RCAN1: variants seen among roughly 807,000 people sequenced by gnomAD.
The protein encoded by RCAN1 is calcipressin-1.
A neutral mutation model predicts 22.9 loss-of-function variants in RCAN1; 11 were observed. The observed-to-expected ratio is 0.48, with a 90% confidence interval of 0.30 to 0.79. The LOEUF is 0.79. Among genes scored for constraint, RCAN1 ranks in the 30% least tolerant of loss-of-function variants. RCAN1 has a pLI of 0.06. For missense variants in RCAN1, 291 were observed against 337.8 expected, an observed-to-expected ratio of 0.86 and a Z score of 1.09; for synonymous variants, 136 against 142.3, an observed-to-expected ratio of 0.96 and a Z score of 0.32.
intron 1 of RCAN1, chr21:34,526,875 TCCCTGGGG>T: frequency 6.9e-7 from 1 of 1,449,728 alleles, no homozygotes; most frequent in Non-Finnish European, 9.0e-7. Context: ...CAGCCCCCAC[TCCCTGGGG>T]AAAAAAAAAG....
intron 1 of RCAN1, among the ~76,000 whole-genome samples, chr21:34,592,362 T>C (rs1485139228): frequency 6.6e-6 from 1 of 152,198 alleles, no homozygotes; most frequent in Non-Finnish European, 1.5e-5. Flanking sequence ...CACACCCTTT[T>C]GGCACTGTCT....
intron 1 of RCAN1, among the ~76,000 whole-genome samples, chr21:34,597,265 C>T (rs1225332329): frequency 6.6e-6 from 1 of 152,160 alleles, no homozygotes; most frequent in Non-Finnish European, 1.5e-5. Context: ...AATAACATGA[C>T]AATTTAAATG....
At chr21:34,591,795 G>A (rs897949046) in intron 1 of RCAN1, among the ~76,000 whole-genome samples, 19 of 152,100 alleles carry the variant, frequency 1.2e-4, no homozygotes, top group South Asian at 2.1e-4. Context: ...CCATCATCTC[G>A]ATGCACCAAT....
At chr21:34,564,722 T>G (rs1349396871) in intron 1 of RCAN1, among the ~76,000 whole-genome samples, 1 of 152,196 alleles carries the variant, frequency 6.6e-6, no homozygotes, top group Non-Finnish European at 1.5e-5. Context: ...GCCTCATAAC[T>G]ATAAATATAC....
chr21:34,530,606 T>C (rs995551422), intron 1 of RCAN1, among the ~76,000 whole-genome samples: 2 of 143,438 alleles, frequency 1.4e-5, no homozygotes, highest in East Asian at 4.1e-4. Flanking sequence ...GCTTCTAAGA[T>C]AGTGAAATAG....
chr21:34,570,282 CAAGT>C (rs1987189134), intron 1 of RCAN1, among the ~76,000 whole-genome samples: 1 of 151,964 alleles, frequency 6.6e-6, no homozygotes, highest in South Asian at 2.1e-4. Flanking sequence ...GAGAACTAGA[CAAGT>C]AAGGGAATAA....
chr21:34,589,316 C>T (rs1379817129), intron 1 of RCAN1, among the ~76,000 whole-genome samples: 1 of 152,196 alleles, frequency 6.6e-6, no homozygotes, highest in Non-Finnish European at 1.5e-5. Flanking sequence ...CATTAGGCTT[C>T]AGTTGTGAAA....
At chr21:34,541,200 C>T (rs764331118) in intron 1 of RCAN1, among the ~76,000 whole-genome samples, 9 of 152,060 alleles carry the variant, frequency 5.9e-5, no homozygotes, top group Non-Finnish European at 1.2e-4. Context: ...AGAAGTGGAG[C>T]GTAGCAATCA....
chr21:34,548,151 C>T (rs1254262338), intron 1 of RCAN1, among the ~76,000 whole-genome samples: 3 of 152,158 alleles, frequency 2.0e-5, no homozygotes, highest in Non-Finnish European at 4.4e-5. Context: ...GCAGCCCGAG[C>T]AGATGAAGAC....
intron 1 of RCAN1, among the ~76,000 whole-genome samples, chr21:34,604,950 C>A (rs1318032840): frequency 6.6e-6 from 1 of 152,216 alleles, no homozygotes; most frequent in East Asian, 1.9e-4. Context: ...CCAGGCACTG[C>A]CTTCCACCTG....
chr21:34,527,162 G>A (rs914245462), intron 1 of RCAN1, among the ~76,000 whole-genome samples: 20 of 152,146 alleles, frequency 1.3e-4, no homozygotes, highest in Non-Finnish European at 8.8e-5. Flanking sequence ...CTCCTCGGCC[G>A]AATGGGACGA....
intron 1 of RCAN1, chr21:34,525,675 T>C: frequency 3.9e-6 from 1 of 256,626 alleles, no homozygotes. Flanking sequence ...TGCCTTTCTC[T>C]TATAAAAGAA....
intron 1 of RCAN1, among the ~76,000 whole-genome samples, chr21:34,599,557 T>C (rs1366934010): frequency 6.6e-6 from 1 of 152,206 alleles, no homozygotes; most frequent in Admixed American, 6.5e-5. Flanking sequence ...TGCAATCTAA[T>C]ACTACGTAAT....
chr21:34,600,548 A>G (rs1428290629), intron 1 of RCAN1, among the ~76,000 whole-genome samples: 1 of 152,208 alleles, frequency 6.6e-6, no homozygotes, highest in African/African-American at 2.4e-5. Flanking sequence ...GCGAGGAGAC[A>G]GGAGAAAAAC....
At chr21:34,580,501 G>A (rs374975669) in intron 1 of RCAN1, among the ~76,000 whole-genome samples, 1 of 152,208 alleles carries the variant, frequency 6.6e-6, no homozygotes, top group African/African-American at 2.4e-5. Context: ...TCACTTGCCC[G>A]GCTATTATCC....
intron 2 of RCAN1, chr21:34,522,961 C>G (rs1220835951): frequency 6.6e-6 from 1 of 152,290 alleles, no homozygotes; most frequent in Non-Finnish European, 1.5e-5. Context: ...CTACCCCTCT[C>G]CCTGCCGTGG....
intron 1 of RCAN1, among the ~76,000 whole-genome samples, chr21:34,525,933 A>G (rs1033186631): frequency 1.3e-5 from 2 of 152,212 alleles, no homozygotes; most frequent in Admixed American, 6.5e-5. Flanking sequence ...GCATGTCCCA[A>G]TATGGCTTTG....
At chr21:34,576,637 C>G (rs1987418775) in intron 1 of RCAN1, among the ~76,000 whole-genome samples, 1 of 152,218 alleles carries the variant, frequency 6.6e-6, no homozygotes, top group Admixed American at 6.5e-5. Context: ...AAACAATGTA[C>G]TAGCACTGGA....
chr21:34,533,296 T>C (rs1247842136), intron 1 of RCAN1, among the ~76,000 whole-genome samples: 1 of 152,200 alleles, frequency 6.6e-6, no homozygotes, highest in African/African-American at 2.4e-5. Context: ...GAGAAAGCTT[T>C]TCCTACCTCT....
Sources: gnomAD v4.1 joint callset for allele counts (sites outside exome capture counted in the v4.1 genomes callset) on GRCh38, gnomAD v4.1.1 for gene constraint, MANE v1.5 for transcripts, NCBI Gene and HGNC (gene_info 2026-07-23, HGNC 2026-07-21) for gene names.